Variants in MID1 observed in about 807,000 individuals in gnomAD.
MID1 encodes E3 ubiquitin-protein ligase Midline-1.
A neutral mutation model predicts 40.4 loss-of-function variants in MID1; 7 were observed. The ratio of observed to expected loss-of-function variants is 0.17; its 90% CI spans 0.10 to 0.33. MID1 has a LOEUF of 0.33. MID1 is among the 10% of genes least tolerant of loss of function. The probability of loss-of-function intolerance (pLI) is 1.00; values close to 1 mark genes in which losing one functional copy is unlikely to be tolerated. For missense variants in MID1, 367 were observed against 558.5 expected (o/e 0.66, Z 3.46); for synonymous variants, 229 against 221.2 (o/e 1.04, Z -0.31).
chrX:10,528,926 A>G (rs1364528238), intron 2 of MID1, among the ~76,000 whole-genome samples: 1 of 111,476 alleles, frequency 9.0e-6, no homozygotes, highest in Non-Finnish European at 1.9e-5. Context: ...TAATTTAAGG[A>G]GCATAATGGT....
At chrX:10,803,947 T>C (rs1431020661) in intron 1 of MID1, among the ~76,000 whole-genome samples, 3 of 110,944 alleles carry the variant, frequency 2.7e-5, no homozygotes, top group Admixed American at 9.6e-5. Flanking sequence ...CAATATTCTG[T>C]TCCTTTTTTT....
At chrX:10,564,568 T>C (rs772544681) in intron 2 of MID1, among the ~76,000 whole-genome samples, 4 of 111,916 alleles carry the variant, frequency 3.6e-5, no homozygotes, top group South Asian at 3.7e-4. Flanking sequence ...CATCATTAAT[T>C]GTCAGGCCCT....
chrX:10,674,214 G>A (rs1023849324), intron 1 of MID1, among the ~76,000 whole-genome samples: 3 of 112,474 alleles, frequency 2.7e-5, no homozygotes, highest in Middle Eastern at 4.6e-3. Context: ...TGGGTCTTGT[G>A]CAATGTGAGA....
At chrX:10,725,840 CAG>C (rs1013732574) in intron 1 of MID1, among the ~76,000 whole-genome samples, 5 of 112,211 alleles carry the variant, frequency 4.5e-5, no homozygotes, top group African/African-American at 1.6e-4. Flanking sequence ...GCCTAGGCAA[CAG>C]AGTCAGATTC....
intron 1 of MID1, among the ~76,000 whole-genome samples, chrX:10,604,825 T>C (rs964110484): frequency 3.5e-5 from 4 of 112,681 alleles, no homozygotes; most frequent in African/African-American, 1.3e-4. Context: ...AATGCACATA[T>C]GCAACAGATA....
chrX:10,714,223 T>G (rs2147091083), intron 1 of MID1, among the ~76,000 whole-genome samples: 1 of 112,530 alleles, frequency 8.9e-6, no homozygotes, highest in African/African-American at 3.2e-5. Flanking sequence ...AATTGAAAGG[T>G]GGGGAGAAAG....
rs367555234 is a variant in MID1 at position 10,688,506 on chromosome X, A to G, written c.-186-68087T>C. On this transcript the variant is annotated intron_variant, in intron 1 of 10. Transcript: ENST00000380785. ...CATCAACTGTTTTGTTATTTTGTCTACGGTACTCACACCTAGACCATCCTT... is the reference window on the plus strand; with the variant it reads ...CATCAACTGTTTTGTTATTTTGTCTGCGGTACTCACACCTAGACCATCCTT... Among the ~76,000 whole-genome samples the G allele has an allele frequency of 6.2e-5, 7 of 112,123 alleles. No homozygotes were observed. In the East Asian group the frequency reaches 1.1e-3, roughly 18 times the overall value.
upstream of MID1, among the ~76,000 whole-genome samples, chrX:10,621,152 G>C (rs1481665876): frequency 1.8e-5 from 2 of 111,543 alleles, no homozygotes; most frequent in African/African-American, 6.5e-5. Context: ...ACCTACTGAA[G>C]GCCCGAGGCA....
chrX:10,730,083 CAA>C (rs1293732350), intron 1 of MID1, among the ~76,000 whole-genome samples: 1 of 69,206 alleles, frequency 1.4e-5, no homozygotes, highest in Non-Finnish European at 2.9e-5. Context: ...GACTCCATCT[CAA>C]AAAAAAAAAA....
intron 8 of MID1, 113 bp downstream of exon 8, chrX:10,459,533 T>G: frequency 1.2e-6 from 1 of 838,568 alleles, no homozygotes; most frequent in Non-Finnish European, 1.8e-6. Flanking sequence ...TTACTTGTTT[T>G]GGGGGGCTGT....
rs774285284 is a variant in MID1, at chrX:10,776,522, T to C, written c.-187+57032A>G. ...ACTTTGGGGTTACATTACAATAAAC[T>C]AGACACAGTCCTTAACTTTAAGTTT... On this transcript the variant is annotated intron_variant, in intron 1 of 10. Transcript: ENST00000380785. 7.1e-5 allele frequency among the ~76,000 whole-genome samples: 8 copies of C among 112,258 alleles called. 1 individual carries two copies. The highest frequency in any genetic ancestry group is 1.1e-4 in the Non-Finnish European group (6 of 53,321).
chrX:10,663,665 AG>A (rs2147585266), intron 1 of MID1, among the ~76,000 whole-genome samples: 1 of 111,071 alleles, frequency 9.0e-6, no homozygotes, highest in African/African-American at 3.3e-5. Context: ...ACTGAGCCAA[AG>A]CTGGACCTCT....
intron 1 of MID1, among the ~76,000 whole-genome samples, chrX:10,774,863 T>A (rs1326301282): frequency 9.0e-6 from 1 of 111,624 alleles, no homozygotes; most frequent in Admixed American, 9.6e-5. Context: ...AAGATTGGCG[T>A]TCTTGGCTTT....
At chrX:10,742,720 A>G (rs977563591) in intron 1 of MID1, among the ~76,000 whole-genome samples, 4 of 112,576 alleles carry the variant, frequency 3.6e-5, no homozygotes, top group African/African-American at 1.3e-4. Flanking sequence ...ACATCTTAAC[A>G]TAAGTGGCCC....
intron 9 of MID1, among the ~76,000 whole-genome samples, chrX:10,454,058 C>T (rs1219463732): frequency 1.8e-5 from 2 of 112,343 alleles, no homozygotes; most frequent in Admixed American, 9.4e-5. Flanking sequence ...GTGAGACAGA[C>T]GGTCAAAGGG....
intron 3 of MID1, among the ~76,000 whole-genome samples, chrX:10,519,031 C>T (rs1011980975): frequency 8.9e-6 from 1 of 111,960 alleles, no homozygotes; most frequent in Non-Finnish European, 1.9e-5. Flanking sequence ...GGATGAATAG[C>T]GTCTTGTAAA....
At chrX:10,462,892 TCTC>T (rs1367629438) in intron 7 of MID1, among the ~76,000 whole-genome samples, 7 of 111,906 alleles carry the variant, frequency 6.3e-5, no homozygotes, top group Admixed American at 1.9e-4. Context: ...TTCCTTTCCT[TCTC>T]CTCTGTAAAA....
chrX:10,495,544 C>T (rs192168334), intron 4 of MID1, 40 bp downstream of exon 4: 405 of 1,005,690 alleles, frequency 4.0e-4, no homozygotes, highest in Non-Finnish European at 4.4e-4. Context: ...TTATTTTCTC[C>T]AGGTAGAGAA....
chrX:10,723,653 G>C (rs1301844572), intron 1 of MID1, among the ~76,000 whole-genome samples: 1 of 112,826 alleles, frequency 8.9e-6, no homozygotes, highest in African/African-American at 3.2e-5. Flanking sequence ...CCGGGTTCAC[G>C]CCATTCTCCT....
Sources: gnomAD v4.1 joint callset for allele counts (sites outside exome capture counted in the v4.1 genomes callset) on GRCh38, gnomAD v4.1.1 for gene constraint, MANE v1.5 for transcripts, NCBI Gene and HGNC (gene_info 2026-07-23, HGNC 2026-07-21) for gene names.